ATRN: variants seen among roughly 807,000 people sequenced by gnomAD.
ATRN encodes attractin, also known as attractin-2.
Under a neutral mutation model 178.7 loss-of-function variants are expected in ATRN, and 54 were observed. The ratio of observed to expected loss-of-function variants is 0.30; its 90% CI spans 0.24 to 0.38. ATRN has a LOEUF of 0.38. ATRN is among the 10% of genes least tolerant of loss of function. The pLI, the probability that ATRN is intolerant of heterozygous loss-of-function variation, is 1.00. For synonymous variants in ATRN, 636 were observed against 663.0 expected, an observed-to-expected ratio of 0.96 and a Z score of 0.63; for missense variants, 1,443 against 1,815.1, an observed-to-expected ratio of 0.79 and a Z score of 3.73.
In ATRN at chr20:3,582,322, A is replaced by T. The variant is rs139398558; in HGVS notation, c.2732A>T (p.Asn911Ile). ...GGACTGAAGGCTGCAACCTGCATCA[A>T]CCCACTCAATGGTAGTGTCTGTGAA... is the stretch of plus-strand genomic sequence containing the variant. The part of the protein sequence containing the change: ...TRGLKAATCI[N>I]PLNGSVCERP... Residue 911 changes from asparagine (N) to isoleucine (I), a missense_variant, in exon 16 of 29, where the codon AAC becomes ATC. By Grantham distance (149) the Asn-to-Ile change is moderately radical. Around this residue, in one of 4 missense-constraint regions of ATRN, gnomAD observed 212 missense variants for 330.7 expected, o/e 0.64. Transcript: ENST00000262919. 4 of 1,612,344 alleles carry T rather than the reference A, an allele frequency of 2.5e-6. No homozygotes were observed. Among genetic ancestry groups the T allele is most frequent in the Non-Finnish European group, 3.4e-6 (4 of 1,180,026 alleles).
intron 2 of ATRN, among the ~76,000 whole-genome samples, chr20:3,536,372 C>T (rs1280863484): frequency 6.6e-6 from 1 of 151,922 alleles, no homozygotes; most frequent in African/African-American, 2.4e-5. Flanking sequence ...CCATGCCCAG[C>T]TAAGTTTTTG....
At chr20:3,535,842 A>T (rs973071682) in intron 2 of ATRN, among the ~76,000 whole-genome samples, 12 of 152,022 alleles carry the variant, frequency 7.9e-5, no homozygotes, top group African/African-American at 2.9e-4. Context: ...GTTAACCAGG[A>T]TGGTCTCGAA....
In ATRN at chr20:3,471,143, G is replaced by A; in HGVS notation, c.36G>A (p.Leu12=). The A allele has an allele frequency of 6.6e-7, 1 of 1,509,044 alleles. No individual in the cohort carries two copies. The highest frequency in any genetic ancestry group is 1.4e-5 in the African/African-American group (1 of 69,676). The allele number at this position is 1,509,044 out of a possible 1,614,324, so 93.5% of individuals were successfully genotyped here. ...CAGCGGCGGCAACTGAGGCAAGGCT[G>A]AGGAGGAGGACGGCGGCGACGGCAG... ...VAAAAATEAR[L]RRRTAATAAL... Residue 12 remains leucine, a synonymous_variant, in exon 1 of 29, where the codon CTG becomes CTA. Coordinates refer to ENST00000262919, the MANE Select transcript of ATRN (RefSeq NM_139321.3).
rs942348525 is a variant in ATRN at position 3,471,321 on chromosome 20, C to T, written c.214C>T (p.Leu72=). The T allele has an allele frequency of 6.9e-6, 10 of 1,454,398 alleles. No individual in the cohort carries two copies. The Admixed American group carries it at 2.3e-4, about 33-fold the overall frequency. The allele number at this position is 1,454,398 out of a possible 1,614,324, so 90.1% of individuals were successfully genotyped here. A position where few individuals can be genotyped will look rare whatever the true frequency, so the allele number is the denominator to read the frequency against. ...GCTGCTGTTGTTGCTCTCGCCGCCGCTGCTGCTGCTGCTGCTGCCCTGTGA... is the reference window on the plus strand; with the variant it reads ...GCTGCTGTTGTTGCTCTCGCCGCCGTTGCTGCTGCTGCTGCTGCCCTGTGA... The part of the protein sequence containing the change: ...LLLLLLLSPP[L]LLLLLPCEAE... Residue 72 remains leucine (L), a synonymous_variant, in exon 1 of 29, where the codon CTG becomes TTG. Transcript: ENST00000262919.
At chr20:3,497,727 A>G (rs1245552552) in intron 1 of ATRN, among the ~76,000 whole-genome samples, 8 of 152,106 alleles carry the variant, frequency 5.3e-5, no homozygotes, top group Non-Finnish European at 1.2e-4. Context: ...AGATTGGGGA[A>G]GTTCTCCTGG....
At chr20:3,566,493 A>T (rs1470020152) in intron 11 of ATRN, among the ~76,000 whole-genome samples, 1 of 152,204 alleles carries the variant, frequency 6.6e-6, no homozygotes, top group African/African-American at 2.4e-5. Flanking sequence ...ATTCTAAGCC[A>T]TATAAATCCT....
rs1216892484 is a variant in ATRN, at chr20:3,471,251, C to T, written c.144C>T (p.Arg48=). The T allele has an allele frequency of 2.1e-6, 3 of 1,444,414 alleles. No homozygotes were observed. The highest frequency in any genetic ancestry group is 2.7e-6 in the Non-Finnish European group (3 of 1,108,798). 89.5% of individuals were successfully genotyped at this position (1,444,414 alleles called of 1,614,324 possible). A position where few individuals can be genotyped will look rare whatever the true frequency, so the allele number is the denominator to read the frequency against. The change falls in exon 1 of 29, where the codon CGC becomes CGT. Residue 48 remains arginine (R), a synonymous_variant. Transcript: ENST00000262919. The part of the protein sequence containing the change: ...AGRPGLGAGL[R]LPRLLSPPLR... ...GGCCGGGGCTGGGGGCCGGGCTGCG[C>T]CTCCCGCGGCTGCTGTCTCCACCGC...
intron 1 of ATRN, among the ~76,000 whole-genome samples, chr20:3,517,324 A>G (rs1358331216): frequency 6.6e-6 from 1 of 152,080 alleles, no homozygotes; most frequent in Non-Finnish European, 1.5e-5. Context: ...CTATTTATCC[A>G]TGCATAGGAA....
intron 12 of ATRN, among the ~76,000 whole-genome samples, chr20:3,574,963 C>CT (rs536199981): frequency 0.85 from 124,808 of 146,498 alleles, 53,468 homozygotes; most frequent in East Asian, 1. Context: ...CAGCTTCTCT[C>CT]TTTTTTTTTT....
intron 19 of ATRN, 46 bp from the exon 20 acceptor site, chr20:3,594,433 A>G (rs767673480): frequency 4.6e-6 from 7 of 1,513,440 alleles, no homozygotes; most frequent in Non-Finnish European, 5.4e-6. Context: ...AATAGTCAGA[A>G]TTTTTTAAGC....
intron 1 of ATRN, among the ~76,000 whole-genome samples, chr20:3,521,017 C>T (rs957053563): frequency 7.2e-5 from 11 of 151,960 alleles, no homozygotes; most frequent in East Asian, 1.9e-4. Flanking sequence ...AATGAAACAC[C>T]GCATGTTCTT....
chr20:3,547,798 C>T (rs2085728361), intron 5 of ATRN, among the ~76,000 whole-genome samples: 1 of 152,028 alleles, frequency 6.6e-6, no homozygotes, highest in South Asian at 2.1e-4. Context: ...CAAGAGCTGA[C>T]AATAATGATA....
chr20:3,486,468 T>C (rs2084695468), intron 1 of ATRN, among the ~76,000 whole-genome samples: 2 of 152,136 alleles, frequency 1.3e-5, no homozygotes, highest in Admixed American at 6.6e-5. Context: ...ATTGCAGTGG[T>C]GTGATCTTGA....
intron 27 of ATRN, among the ~76,000 whole-genome samples, chr20:3,643,313 T>C (rs2087083075): frequency 6.6e-6 from 1 of 152,182 alleles, no homozygotes. Flanking sequence ...TTCTGACCTC[T>C]AAAGCTGTGA....
intron 2 of ATRN, among the ~76,000 whole-genome samples, chr20:3,537,791 T>C (rs543043349): frequency 1.2e-4 from 18 of 151,994 alleles, no homozygotes; most frequent in African/African-American, 3.9e-4. Context: ...AATAGTTTGC[T>C]GAGAATGATG....
intron 24 of ATRN, among the ~76,000 whole-genome samples, chr20:3,621,898 CAG>C (rs1368758199): frequency 6.6e-6 from 1 of 151,988 alleles, no homozygotes; most frequent in African/African-American, 2.4e-5. Context: ...TTCTGTGAGA[CAG>C]ATCATTATTT....
intron 24 of ATRN, among the ~76,000 whole-genome samples, chr20:3,607,678 A>G (rs2086694042): frequency 6.6e-6 from 1 of 152,212 alleles, no homozygotes; most frequent in African/African-American, 2.4e-5. Flanking sequence ...GTGCTGTGAT[A>G]AACATTTAGA....
chr20:3,559,242 G>A, intron 6 of ATRN, 151 bp from the exon 7 acceptor site: 1 of 635,448 alleles, frequency 1.6e-6, no homozygotes, highest in Non-Finnish European at 2.9e-6. Flanking sequence ...GTGGGCCCAG[G>A]TGTCAGGTTT....
intron 4 of ATRN, among the ~76,000 whole-genome samples, chr20:3,546,282 A>AAT (rs1454969995): frequency 6.6e-6 from 1 of 152,220 alleles, no homozygotes; most frequent in Non-Finnish European, 1.5e-5. Flanking sequence ...TATACTCATT[A>AAT]AAGTACCTTG....
Sources: gnomAD v4.1 joint callset for allele counts (sites outside exome capture counted in the v4.1 genomes callset) on GRCh38, gnomAD v4.1.1 for gene constraint, gnomAD v4.1.1 regional missense constraint, MANE v1.5 for transcripts, NCBI Gene and HGNC (gene_info 2026-07-23, HGNC 2026-07-21) for gene names.